CES5A: variants seen among roughly 807,000 people sequenced by gnomAD.
CES5A encodes carboxylesterase 5.
In CES5A, 67 loss-of-function variants were observed where a neutral mutation model predicts 62.9. The ratio of observed to expected loss-of-function variants is 1.07; its 90% confidence interval spans 0.88 to 1.31. The LOEUF is 1.31. Among genes scored for constraint, CES5A ranks in the 50% most tolerant of loss-of-function variants. The pLI is 0.00. For synonymous variants in CES5A, 296 were observed against 280.8 expected, an observed-to-expected ratio of 1.05 and a Z score of -0.54; for missense variants, 748 against 708.5, an observed-to-expected ratio of 1.06 and a Z score of -0.63.
At chr16:55,916,288 G>C (rs1263358340) in intron 1 of CES5A, among the ~76,000 whole-genome samples, 2 of 152,170 alleles carry the variant, frequency 1.3e-5, no homozygotes, top group African/African-American at 2.4e-5. Context: ...ATAATGACTG[G>C]TAATGGTTTA....
intron 1 of CES5A, among the ~76,000 whole-genome samples, chr16:55,898,719 C>A (rs1196921861): frequency 1.3e-5 from 2 of 152,188 alleles, no homozygotes; most frequent in Non-Finnish European, 2.9e-5. Flanking sequence ...GGGGCCACTG[C>A]CTTAGTCAAT....
intron 1 of CES5A, among the ~76,000 whole-genome samples, chr16:55,887,382 C>CAAAA (rs202239600): frequency 1.1e-5 from 1 of 91,226 alleles, no homozygotes; most frequent in African/African-American, 5.0e-5. Flanking sequence ...GGACCAGAGG[C>CAAAA]AAAAAAAAAA....
intron 1 of CES5A, among the ~76,000 whole-genome samples, chr16:55,903,033 A>G (rs976811275): frequency 3.9e-5 from 6 of 152,118 alleles, no homozygotes; most frequent in Non-Finnish European, 7.4e-5. Context: ...CTGATGGGGG[A>G]ATGGCCATTT....
intron 1 of CES5A, among the ~76,000 whole-genome samples, chr16:55,883,222 T>C (rs531386916): frequency 3.5e-4 from 53 of 152,270 alleles, no homozygotes; most frequent in Admixed American, 1.4e-3. Context: ...ATGAATCGAA[T>C]GGAATTGTGA....
intron 5 of CES5A, among the ~76,000 whole-genome samples, chr16:55,864,918 T>C (rs1430273231): frequency 6.9e-6 from 1 of 144,012 alleles, no homozygotes; most frequent in East Asian, 2.1e-4. Flanking sequence ...AAAAAAAATA[T>C]TGCTGTCACC....
intron 1 of CES5A, among the ~76,000 whole-genome samples, chr16:55,911,265 G>T (rs16955883): frequency 0.017 from 2,572 of 152,216 alleles, 71 homozygotes; most frequent in African/African-American, 0.059. Context: ...AGATACTCAG[G>T]GAAGCAATTT....
At chr16:55,886,116 A>G (rs2033812992) in intron 1 of CES5A, among the ~76,000 whole-genome samples, 1 of 152,232 alleles carries the variant, frequency 6.6e-6, no homozygotes, top group Non-Finnish European at 1.5e-5. Context: ...AGATGAGCTA[A>G]AATTCAACTG....
upstream of CES5A, among the ~76,000 whole-genome samples, chr16:55,880,215 C>A (rs1000360393): frequency 2.6e-5 from 4 of 152,196 alleles, no homozygotes; most frequent in Non-Finnish European, 5.9e-5. Flanking sequence ...TGACAGCATA[C>A]CACCTGAAGC....
chr16:55,872,241 C>A (rs1381653258), intron 2 of CES5A, among the ~76,000 whole-genome samples: 1 of 152,222 alleles, frequency 6.6e-6, no homozygotes, highest in African/African-American at 2.4e-5. Flanking sequence ...CAGGGAGACT[C>A]CTGCACCCAG....
intron 1 of CES5A, among the ~76,000 whole-genome samples, chr16:55,917,763 C>G (rs538297222): frequency 6.6e-6 from 1 of 152,072 alleles, no homozygotes; most frequent in Non-Finnish European, 1.5e-5. Flanking sequence ...TCAAGGATAG[C>G]GAATTACAGA....
At chr16:55,947,672 G>A (rs570744835) in intron 2 of CES5A, among the ~76,000 whole-genome samples, 1 of 152,074 alleles carries the variant, frequency 6.6e-6, no homozygotes, top group Non-Finnish European at 1.5e-5. Context: ...GGGTAGTGAA[G>A]GAAGGTCTCA....
chr16:55,872,126 A>G (rs1206702409), intron 2 of CES5A, among the ~76,000 whole-genome samples: 1 of 152,176 alleles, frequency 6.6e-6, no homozygotes, highest in Non-Finnish European at 1.5e-5. Context: ...GGCAGGACAT[A>G]GTCGAATAAC....
chr16:55,859,003 C>T (rs182369834), intron 8 of CES5A, among the ~76,000 whole-genome samples: 1 of 152,312 alleles, frequency 6.6e-6, no homozygotes, highest in Admixed American at 6.5e-5. Flanking sequence ...TTATCTGTCT[C>T]TCCCCACCAG....
At chr16:55,944,034 T>C (rs1429176614) in intron 2 of CES5A, 1 of 702,134 alleles carries the variant, frequency 1.4e-6, no homozygotes, top group East Asian at 2.7e-5. Flanking sequence ...GTCATTGAGG[T>C]GAAGGGGACT....
At chr16:55,955,677 C>T (rs2034601733) in intron 1 of CES5A, among the ~76,000 whole-genome samples, 1 of 152,198 alleles carries the variant, frequency 6.6e-6, no homozygotes, top group South Asian at 2.1e-4. Context: ...TTAGCCCAGC[C>T]CTGGGTTCTC....
At chr16:55,946,069 C>T (rs6499810) in intron 2 of CES5A, among the ~76,000 whole-genome samples, 46,260 of 152,110 alleles carry the variant, frequency 0.3, 7,292 homozygotes, top group Non-Finnish European at 0.33. Context: ...TCGGAATTCA[C>T]TTAAGCAATA....
intron 4 of CES5A, 191 bp downstream of exon 4, chr16:55,869,420 T>G: frequency 1.8e-6 from 2 of 1,093,650 alleles, no homozygotes; most frequent in Non-Finnish European, 2.4e-6. Context: ...AGAAAGAGAT[T>G]TTTATTGTTT....
intron 2 of CES5A, among the ~76,000 whole-genome samples, chr16:55,938,803 CAT>C (rs201728343): frequency 0.27 from 23,533 of 86,668 alleles, 3,687 homozygotes; most frequent in Middle Eastern, 0.37. Context: ...TATATACACA[CAT>C]ATATATATAT....
At chr16:55,910,588 A>G (rs529044976) in intron 1 of CES5A, among the ~76,000 whole-genome samples, 34 of 152,330 alleles carry the variant, frequency 2.2e-4, no homozygotes, top group African/African-American at 7.0e-4. Flanking sequence ...GTACCACATA[A>G]AGCCCAGGAT....
Sources: allele counts gnomAD v4.1 joint callset (sites outside exome capture counted in the v4.1 genomes callset), GRCh38; gene constraint gnomAD v4.1.1; transcripts MANE v1.5; gene names NCBI Gene and HGNC (gene_info 2026-07-23, HGNC 2026-07-21).